The following PRDM16 variants were observed in gnomAD, a reference collection of about 807,000 sequenced individuals.
PRDM16 encodes the protein histone-lysine N-methyltransferase PRDM16.
In PRDM16, 23 loss-of-function variants were observed where a neutral mutation model predicts 110.6. The ratio of observed to expected loss-of-function variants is 0.21; its 90% confidence interval spans 0.15 to 0.29. The LOEUF is 0.29. PRDM16 is among the 10% of genes least tolerant of loss of function. The probability of loss-of-function intolerance (pLI) is 1.00; values close to 1 mark genes in which losing one functional copy is unlikely to be tolerated. For synonymous variants in PRDM16, 799 were observed against 781.8 expected (o/e 1.02, Z -0.37); for missense variants, 1,615 against 1,794.3 (o/e 0.90, Z 1.81).
chr1:3,337,898 A>G (rs1048799104), intron 3 of PRDM16, among the ~76,000 whole-genome samples: 2 of 151,342 alleles, frequency 1.3e-5, no homozygotes, highest in African/African-American at 4.9e-5. Flanking sequence ...GGACACACAC[A>G]TGGGCACTTG....
intron 5 of PRDM16, among the ~76,000 whole-genome samples, chr1:3,401,769 G>A (rs7551796): frequency 0.15 from 23,329 of 152,268 alleles, 2,148 homozygotes; most frequent in Middle Eastern, 0.27. Flanking sequence ...AGAAACACGT[G>A]CATTCACACA....
chr1:3,167,227 C>T (rs930173076), intron 1 of PRDM16, among the ~76,000 whole-genome samples: 1 of 152,186 alleles, frequency 6.6e-6, no homozygotes, highest in Non-Finnish European at 1.5e-5. Context: ...CTGTCCCTCC[C>T]AGGCCTTCAG....
chr1:3,276,060 C>T lies in PRDM16; in HGVS notation c.438+31923C>T, dbSNP rs531923710. On this transcript the variant is annotated intron_variant, in intron 3 of 16. Coordinates refer to ENST00000270722, the MANE Select transcript of PRDM16 (RefSeq NM_022114.4). ...TGCCGGCTTTGGTCTCCGGACACCA[C>T]GTCGTGTTGACAATTACCCACAGCC... 3.3e-5 allele frequency among the ~76,000 whole-genome samples: 5 copies of T among 152,354 alleles called. No individual in the cohort carries two copies. In the South Asian group the frequency reaches 8.3e-4, roughly 25 times the overall value.
At chr1:3,314,864 T>G (rs987499409) in intron 3 of PRDM16, among the ~76,000 whole-genome samples, 5 of 152,194 alleles carry the variant, frequency 3.3e-5, no homozygotes, top group African/African-American at 1.2e-4. Context: ...TTCGCCCTAT[T>G]CATCTTGGAT....
At chr1:3,297,472 C>A (rs770343228) in intron 3 of PRDM16, among the ~76,000 whole-genome samples, 1 of 151,904 alleles carries the variant, frequency 6.6e-6, no homozygotes, top group South Asian at 2.1e-4. Flanking sequence ...TTAGTAGAGA[C>A]GGGGTTTTGC....
chr1:3,324,424 C>T (rs1481896420), intron 3 of PRDM16, among the ~76,000 whole-genome samples: 2 of 152,332 alleles, frequency 1.3e-5, no homozygotes, highest in East Asian at 1.9e-4. Flanking sequence ...CCACACTCCC[C>T]GCGATGCTCC....
At chr1:3,202,979 G>T (rs1638668805) in intron 2 of PRDM16, among the ~76,000 whole-genome samples, 1 of 152,324 alleles carries the variant, frequency 6.6e-6, no homozygotes, top group East Asian at 1.9e-4. Context: ...GGAATCTGAA[G>T]AAAGTGGATA....
intron 14 of PRDM16, among the ~76,000 whole-genome samples, chr1:3,426,859 G>A (rs1372576745): frequency 6.6e-6 from 1 of 152,188 alleles, no homozygotes; most frequent in African/African-American, 2.4e-5. Flanking sequence ...TGTGGTCTGG[G>A]CATGGGCAGT....
In PRDM16 at chr1:3,201,684, A is replaced by G. The variant is rs1363915490; in HGVS notation, c.387+15210A>G. Among the ~76,000 whole-genome samples, 1 of 152,138 alleles carries G rather than the reference A, an allele frequency of 6.6e-6. No homozygotes were observed. The highest frequency in any genetic ancestry group is 1.5e-5 in the Non-Finnish European group (1 of 68,008). On this transcript the variant is annotated intron_variant, in intron 2 of 16. Coordinates refer to ENST00000270722, the MANE Select transcript of PRDM16 (RefSeq NM_022114.4). This position sits in a 1 kb window ranked among gnomAD's most constrained non-coding sequence, Gnocchi z 4.1. ...GTCGGGGACCCCAGCCACTTCCAGC[A>G]CCTGCAGGGCAGGACCTCCCCGCTT... is the stretch of plus-strand genomic sequence containing the variant.
rs747141437 is a variant in PRDM16 at position 3,411,445 on chromosome 1, C to T, written c.1248C>T (p.His416=). ...FSNLCRHKRM[H]ADCRTQIKCK... ...ACCTGTGCCGGCACAAGCGGATGCACGCCGACTGCCGCACGCAGATCAAGT... is the reference window on the plus strand; with the variant it reads ...ACCTGTGCCGGCACAAGCGGATGCATGCCGACTGCCGCACGCAGATCAAGT... The change falls in exon 9 of 17, where the codon CAC becomes CAT. Residue 416 remains histidine, a synonymous_variant. Transcript: ENST00000270722. 1.2e-5 allele frequency: 20 copies of T among 1,614,052 alleles called. No homozygotes were observed. Among genetic ancestry groups the T allele is most frequent in the East Asian group, 2.2e-5 (1 of 44,884 alleles).
At chr1:3,151,862 C>T (rs1643781415) in intron 1 of PRDM16, among the ~76,000 whole-genome samples, 1 of 152,216 alleles carries the variant, frequency 6.6e-6, no homozygotes, top group African/African-American at 2.4e-5. Context: ...GGCCTGTGCC[C>T]CCTGTCTCTG....
Position 3,190,505 on chromosome 1 carries a change from G to A in PRDM16, c.387+4031G>A, listed in dbSNP as rs930970288. 6.6e-6 allele frequency among the ~76,000 whole-genome samples: 1 copy of A among 152,148 alleles called. No homozygotes were observed. Among genetic ancestry groups the A allele is most frequent in the African/African-American group, 2.4e-5 (1 of 41,432 alleles). On this transcript the variant is annotated intron_variant, in intron 2 of 16. Transcript: ENST00000270722. The surrounding 1 kb of genome is among the most constrained non-coding windows in gnomAD (Gnocchi z 5.0). ...CCGCTTTGTTCCTGGGTGCTGCGAG[G>A]CATCCTGAGCTGTGCCCTGAGTCAG...
Position 3,191,897 on chromosome 1 carries a change from A to G in PRDM16, c.387+5423A>G, listed in dbSNP as rs548380898. Among the ~76,000 whole-genome samples, 13 of 152,330 alleles carry G rather than the reference A, an allele frequency of 8.5e-5. 1 individual carries two copies. The highest frequency in any genetic ancestry group is 6.8e-3 in the Middle Eastern group (2 of 294). On this transcript the variant is annotated intron_variant, in intron 2 of 16. Coordinates refer to ENST00000270722, the MANE Select transcript of PRDM16 (RefSeq NM_022114.4). ...AGGCAGGCGTAAAAAGGTAGCACCC[A>G]GAACCAGCTTCCCCACATACCAGGA...
At chr1:3,176,034 CCCATCCATCCCCTCAT>C (rs1407297916) in intron 1 of PRDM16, among the ~76,000 whole-genome samples, 1 of 21,768 alleles carries the variant, frequency 4.6e-5, no homozygotes, top group East Asian at 1.4e-3. Context: ...AATCTATCCA[CCCATCCATCCCCTCAT>C]CCATCCATCC....
chr1:3,070,050 C>T (rs961867108), intron 1 of PRDM16, among the ~76,000 whole-genome samples: 7 of 151,924 alleles, frequency 4.6e-5, no homozygotes, highest in African/African-American at 1.4e-4. Flanking sequence ...CGCGGGCCGC[C>T]GGGGCGACAG....
rs375036338 is a variant in PRDM16, at chr1:3,354,026, C to T, written c.439-31126C>T. 1.4e-3 allele frequency among the ~76,000 whole-genome samples: 214 copies of T among 152,332 alleles called. 5 individuals are homozygous for T. In the South Asian group the frequency reaches 0.032, roughly 23 times the overall value. ...CCAGTAGCTTTCTCCTGCCCAGCCA[C>T]GCCCATGGAACCGGGTCCTGGTCCA... On this transcript the variant is annotated intron_variant, in intron 3 of 16. Transcript: ENST00000270722.
chr1:3,169,963 T>G (rs144781354), intron 1 of PRDM16, among the ~76,000 whole-genome samples: 1 of 152,250 alleles, frequency 6.6e-6, no homozygotes, highest in Non-Finnish European at 1.5e-5. Flanking sequence ...GTATGTGGAC[T>G]GTGCACACCT....
intron 1 of PRDM16, among the ~76,000 whole-genome samples, chr1:3,163,592 C>T (rs1019143066): frequency 2.0e-5 from 3 of 152,200 alleles, no homozygotes; most frequent in African/African-American, 7.2e-5. Flanking sequence ...ACTTCTCCTC[C>T]CACGGTCCTC....
At chr1:3,408,579 C>G (rs1003961461) in intron 8 of PRDM16, among the ~76,000 whole-genome samples, 3 of 129,894 alleles carry the variant, frequency 2.3e-5, no homozygotes, top group African/African-American at 1.0e-4. Context: ...CGTGTGAGAG[C>G]GTGTGAGTGT....
Sources: allele counts gnomAD v4.1 joint callset (sites outside exome capture counted in the v4.1 genomes callset), GRCh38; gene constraint gnomAD v4.1.1; non-coding constraint Gnocchi (gnomAD v3.1); transcripts MANE v1.5; gene names NCBI Gene and HGNC (gene_info 2026-07-23, HGNC 2026-07-21).